SH3GLB1: variants seen among roughly 807,000 people sequenced by gnomAD.
The protein encoded by SH3GLB1 is SH3 domain containing GRB2 like, endophilin B1.
In SH3GLB1, 17 loss-of-function variants were observed where a neutral mutation model predicts 42.0. The observed-to-expected ratio is 0.40, with a 90% CI of 0.28 to 0.61. The LOEUF is 0.61. SH3GLB1 is among the 20% of genes least tolerant of loss of function. The pLI is 0.36. For missense variants in SH3GLB1, 355 were observed against 426.3 expected, an observed-to-expected ratio of 0.83 and a Z score of 1.47; for synonymous variants, 132 against 146.6, an observed-to-expected ratio of 0.90 and a Z score of 0.72.
At chr1:86,709,006 A>G (rs1336391622) in intron 1 of SH3GLB1, among the ~76,000 whole-genome samples, 1 of 152,248 alleles carries the variant, frequency 6.6e-6, no homozygotes, top group Non-Finnish European at 1.5e-5. Flanking sequence ...ATTTTAAAAT[A>G]AAAGTAAAAT....
In SH3GLB1 at chr1:86,743,036, ATAATT is replaced by A. The variant is rs1339109411; in HGVS notation, c.991-88_991-84del. ...ATAACGTTTAAAGTCCTTTTGGTGA[ATAATT>A]TAAACAAATTAAATACAAATCTGAT... On this transcript the variant is annotated intron_variant, in intron 8 of 8. Coordinates refer to ENST00000370558, the MANE Select transcript of SH3GLB1 (RefSeq NM_016009.5). The A allele has an allele frequency of 5.1e-6, 5 of 983,834 alleles. No homozygotes were observed. In the African/African-American group the frequency reaches 6.5e-5, roughly 13 times the overall value. The allele number at this position is 983,834 out of a possible 1,614,324, so 60.9% of individuals were successfully genotyped here. A position where few individuals can be genotyped will look rare whatever the true frequency, so the allele number is the denominator to read the frequency against.
chr1:86,738,252 GTTTGTTTTGT>G (rs1553210565), intron 7 of SH3GLB1, among the ~76,000 whole-genome samples: 9 of 103,196 alleles, frequency 8.7e-5, no homozygotes, highest in African/African-American at 2.4e-4. Flanking sequence ...TTTTTTGTTT[GTTTGTTTTGT>G]TTTGTTTTGT....
intron 7 of SH3GLB1, among the ~76,000 whole-genome samples, chr1:86,735,942 C>A (rs1655759725): frequency 6.6e-6 from 1 of 152,196 alleles, no homozygotes; most frequent in Non-Finnish European, 1.5e-5. Context: ...AGGCATCTAA[C>A]TGTGACTGAG....
rs1461541520 is a variant in SH3GLB1, at chr1:86,734,449, C to G, written c.571-153C>G. On this transcript the variant is annotated intron_variant, in intron 5 of 8. Coordinates refer to ENST00000370558, the MANE Select transcript of SH3GLB1 (RefSeq NM_016009.5). ...TACAGAAAAGCTAAGGTCTAGAAAC[C>G]AGGGGACCATTTTAGATACAAAGCA... 3.2e-5 allele frequency: 19 copies of G among 597,204 alleles called. 1 individual carries two copies. Among genetic ancestry groups the G allele is most frequent in the South Asian group, 2.5e-4 (12 of 47,516 alleles). 37.0% of individuals were successfully genotyped at this position (597,204 alleles called of 1,614,324 possible).
At chr1:86,713,317 A>T (rs1558296652) in intron 1 of SH3GLB1, among the ~76,000 whole-genome samples, 1 of 151,876 alleles carries the variant, frequency 6.6e-6, no homozygotes, top group Non-Finnish European at 1.5e-5. Flanking sequence ...CCTGAGCTCA[A>T]GTGATCTGCC....
At chr1:86,728,423 T>C in intron 5 of SH3GLB1, 1 of 1,561,268 alleles carries the variant, frequency 6.4e-7, no homozygotes. Context: ...CAGCTCGCCT[T>C]GAAGGAGATA....
At chr1:86,708,003 C>T (rs1249863161) in intron 1 of SH3GLB1, among the ~76,000 whole-genome samples, 1 of 152,020 alleles carries the variant, frequency 6.6e-6, no homozygotes. Flanking sequence ...ACAACAGCAA[C>T]GGAATGTTGA....
chr1:86,712,878 GC>G (rs1654292743), intron 1 of SH3GLB1, among the ~76,000 whole-genome samples: 1 of 151,598 alleles, frequency 6.6e-6, no homozygotes, highest in Non-Finnish European at 1.5e-5. Flanking sequence ...ACCCATCTTT[GC>G]TCTGTTATAC....
intron 8 of SH3GLB1, 36 bp downstream of exon 8, chr1:86,742,472 C>T (rs774231102): frequency 2.7e-6 from 4 of 1,468,054 alleles, no homozygotes; most frequent in Non-Finnish European, 3.8e-6. Flanking sequence ...AAATATATCA[C>T]GAATTGACAT....
intron 2 of SH3GLB1, among the ~76,000 whole-genome samples, chr1:86,716,976 G>A (rs1465635686): frequency 6.6e-6 from 1 of 152,114 alleles, no homozygotes; most frequent in Non-Finnish European, 1.5e-5. Flanking sequence ...AAATAGTAGT[G>A]ACTTTTTAAA....
intron 3 of SH3GLB1, 129 bp downstream of exon 3, chr1:86,719,764 G>T (rs1654754701): frequency 3.7e-6 from 3 of 817,836 alleles, no homozygotes; most frequent in South Asian, 2.3e-5. Context: ...GGGTGGTTGA[G>T]GTGGGCGGAT....
intron 5 of SH3GLB1, chr1:86,730,276 A>G (rs1238764199): frequency 3.0e-6 from 3 of 985,212 alleles, no homozygotes; most frequent in African/African-American, 3.5e-5. Context: ...AGCTAATAGA[A>G]GCTCCACCAA....
chr1:86,717,674 A>G (rs899714304), intron 2 of SH3GLB1, among the ~76,000 whole-genome samples: 1 of 152,090 alleles, frequency 6.6e-6, no homozygotes, highest in Non-Finnish European at 1.5e-5. Context: ...TGCCCGCCTC[A>G]GCCTCCCAAA....
intron 5 of SH3GLB1, chr1:86,730,383 A>G (rs753443422): frequency 5.1e-6 from 5 of 985,304 alleles, no homozygotes; most frequent in Non-Finnish European, 6.0e-6. Flanking sequence ...TCCTTACTAT[A>G]GAAGGCAGGC....
chr1:86,730,438 A>G (rs2101967128), intron 5 of SH3GLB1: 1 of 871,518 alleles, frequency 1.1e-6, no homozygotes, highest in Non-Finnish European at 1.4e-6. Context: ...TTTAAAATGT[A>G]AAATATAGTT....
In SH3GLB1 at chr1:86,747,536, C is replaced by G. The variant is rs1327707742; in HGVS notation, c.*4301C>G. 6.6e-6 allele frequency: 1 copy of G among 152,192 alleles called. No homozygotes were observed. The highest frequency in any genetic ancestry group is 1.5e-5 in the Non-Finnish European group (1 of 68,046). The allele number at this position is 152,192 out of a possible 1,614,324, so 9.4% of individuals were successfully genotyped here. A position where few individuals can be genotyped will look rare whatever the true frequency, so the allele number is the denominator to read the frequency against. ...TGCCCTGTCCATGTAGGGGAAACTTCTGGGCTGTATTACAAGTGGGTAGGA... is the reference window on the plus strand; with the variant it reads ...TGCCCTGTCCATGTAGGGGAAACTTGTGGGCTGTATTACAAGTGGGTAGGA... On this transcript the variant is annotated 3_prime_UTR_variant, in exon 9 of 9. Coordinates refer to ENST00000370558, the MANE Select transcript of SH3GLB1 (RefSeq NM_016009.5).
At chr1:86,741,069 G>GA (rs1226197243) in intron 7 of SH3GLB1, among the ~76,000 whole-genome samples, 2 of 152,108 alleles carry the variant, frequency 1.3e-5, no homozygotes, top group Non-Finnish European at 2.9e-5. Flanking sequence ...GGATTGGCTA[G>GA]AATTGTTTAG....
chr1:86,744,690 G>A lies in SH3GLB1; in HGVS notation c.*1455G>A, dbSNP rs142377175. The A allele has an allele frequency of 4.3e-3, 654 of 152,168 alleles. 4 individuals carry two copies. Among genetic ancestry groups the A allele is most frequent in the African/African-American group, 0.015 (628 of 41,538 alleles). 9.4% of individuals were successfully genotyped at this position (152,168 alleles called of 1,614,324 possible). On this transcript the variant is annotated 3_prime_UTR_variant, in exon 9 of 9. Coordinates refer to ENST00000370558, the MANE Select transcript of SH3GLB1 (RefSeq NM_016009.5). ...TAAGCTATTAAAATGATACTTTTTG[G>A]TACTTTTAAAAAAATGAATACTTAA...
At chr1:86,723,324 C>A (rs1654976158) in intron 4 of SH3GLB1, among the ~76,000 whole-genome samples, 1 of 151,972 alleles carries the variant, frequency 6.6e-6, no homozygotes, top group Admixed American at 6.6e-5. Flanking sequence ...CCAGCCTGGC[C>A]AACATGGTGA....
Sources: allele counts gnomAD v4.1 joint callset (sites outside exome capture counted in the v4.1 genomes callset), GRCh38; gene constraint gnomAD v4.1.1; transcripts MANE v1.5; gene names NCBI Gene and HGNC (gene_info 2026-07-23, HGNC 2026-07-21).